The following SLC25A19 variants were observed in gnomAD, a reference collection of about 807,000 sequenced individuals.
SLC25A19 encodes mitochondrial thiamine pyrophosphate carrier.
A neutral mutation model predicts 27.9 loss-of-function variants in SLC25A19; 18 were observed. The observed-to-expected ratio is 0.64, with a 90% CI of 0.45 to 0.96. The LOEUF is 0.96. SLC25A19 is among the 40% of genes least tolerant of loss of function. SLC25A19 has a pLI of 0.00. For missense variants in SLC25A19, 371 were observed against 418.3 expected (o/e 0.89, Z 0.99); for synonymous variants, 169 against 167.1 (o/e 1.01, Z -0.09).
chr17:75,284,157 C>T (rs2078125080), intron 4 of SLC25A19, among the ~76,000 whole-genome samples: 1 of 152,074 alleles, frequency 6.6e-6, no homozygotes, highest in Non-Finnish European at 1.5e-5. Flanking sequence ...GTAATCCCAG[C>T]ACTTTGGAAG....
rs2078188388 is a variant in SLC25A19, at chr17:75,286,613, T to C, written c.132+20A>G. On this transcript the variant is annotated intron_variant, in intron 3 of 7. Coordinates refer to ENST00000416858, the MANE Select transcript of SLC25A19 (RefSeq NM_001126121.2). ...TGAACTTGTCCTCCAGTCCATTGCA[T>C]GGAAAAAGGGGAAGAGTACCTGGAA... is the stretch of plus-strand genomic sequence containing the variant. The C allele has an allele frequency of 2.5e-6, 4 of 1,613,996 alleles. No individual in the cohort carries two copies. The East Asian group carries it at 6.7e-5, about 27-fold the overall frequency.
In SLC25A19 at chr17:75,273,243, A is replaced by G; in HGVS notation, c.*208T>C. On this transcript the variant is annotated 3_prime_UTR_variant, in exon 8 of 8. Transcript: ENST00000416858. ...CTTCTCACTGTGTCGTTGGCTCACCATAGACCACGTCCTGCATTCCCTCTG... is the reference window on the plus strand; with the variant it reads ...CTTCTCACTGTGTCGTTGGCTCACCGTAGACCACGTCCTGCATTCCCTCTG... The G allele has an allele frequency of 3.3e-6, 2 of 600,232 alleles. No homozygotes were observed. Among genetic ancestry groups the G allele is most frequent in the South Asian group, 2.0e-5 (1 of 51,162 alleles). The allele number at this position is 600,232 out of a possible 1,614,324, so 37.2% of individuals were successfully genotyped here. A position where few individuals can be genotyped will look rare whatever the true frequency, so the allele number is the denominator to read the frequency against.
At chr17:75,278,391 C>T in intron 5 of SLC25A19, 56 bp from the exon 6 acceptor site, 3 of 1,598,352 alleles carry the variant, frequency 1.9e-6, no homozygotes, top group Non-Finnish European at 2.6e-6. Context: ...AGCCCTGGAA[C>T]AGCCCATCAT....
intron 7 of SLC25A19, among the ~76,000 whole-genome samples, chr17:75,275,663 T>C (rs1412772727): frequency 6.6e-6 from 1 of 152,122 alleles, no homozygotes; most frequent in Non-Finnish European, 1.5e-5. Flanking sequence ...GCACATAAAA[T>C]ACAACTTAGG....
intron 7 of SLC25A19, among the ~76,000 whole-genome samples, chr17:75,275,984 A>G (rs966357725): frequency 1.4e-5 from 2 of 147,266 alleles, no homozygotes; most frequent in African/African-American, 5.1e-5. Context: ...AAATATATAT[A>G]TATATATGGC....
rs1408439175 is a variant in SLC25A19, at chr17:75,273,573, A to C, written c.841T>G (p.Phe281Val). ...AAGCTGGGGGACAGGCCCTTGAAGA[A>C]GCCCAGGGCGCCTTCCTTTTGCAGC... ...QVLQKEGALG[F>V]FKGLSPSLLK... is the part of the protein sequence containing the mutation. The change falls in exon 8 of 8, where the codon TTC becomes GTC. Residue 281 changes from phenylalanine (F) to valine (V), a missense_variant. Coordinates refer to ENST00000416858, the MANE Select transcript of SLC25A19 (RefSeq NM_001126121.2). The C allele has an allele frequency of 6.8e-6, 11 of 1,613,884 alleles. No individual in the cohort carries two copies. The highest frequency in any genetic ancestry group is 1.3e-5 in the African/African-American group (1 of 74,912).
chr17:75,286,334 C>A lies in SLC25A19; in HGVS notation c.258G>T (p.Gln86His). ...CAGCTCCATAGCCTATGGAGAGAAT[C>A]TGAGCTGGGACGTGTCCTTTCCAGA... Reference protein sequence around the residue: ...TAFWKGHVPAQILSIGYGAVQ... With the variant: ...TAFWKGHVPAHILSIGYGAVQ... Residue 86 changes from glutamine (Q) to histidine (H), a missense_variant, in exon 4 of 8, where the codon CAG becomes CAT. Coordinates refer to ENST00000416858, the MANE Select transcript of SLC25A19 (RefSeq NM_001126121.2). The A allele has an allele frequency of 6.2e-7, 1 of 1,614,136 alleles. No individual in the cohort carries two copies. Among genetic ancestry groups the A allele is most frequent in the Non-Finnish European group, 8.5e-7 (1 of 1,180,040 alleles).
rs1317389053 is a variant in SLC25A19 at position 75,273,388 on chromosome 17, G to A, written c.*63C>T. The A allele has an allele frequency of 7.1e-6, 11 of 1,555,130 alleles. No homozygotes were observed. Among genetic ancestry groups the A allele is most frequent in the Non-Finnish European group, 8.7e-6 (10 of 1,146,252 alleles). ...AAGGGCCAGACGGCACCTCTCAGTG[G>A]AGACTGAATCTTCCTTCCTTCAGGA... On this transcript the variant is annotated 3_prime_UTR_variant, in exon 8 of 8. Coordinates refer to ENST00000416858, the MANE Select transcript of SLC25A19 (RefSeq NM_001126121.2).
At chr17:75,280,976 C>G (rs1049468001) in intron 5 of SLC25A19, among the ~76,000 whole-genome samples, 1 of 148,628 alleles carries the variant, frequency 6.7e-6, no homozygotes, top group Non-Finnish European at 1.5e-5. Flanking sequence ...ACCAGGAGTT[C>G]AAGACCAGCC....
chr17:75,277,211 A>G, intron 7 of SLC25A19, 142 bp downstream of exon 7: 1 of 1,059,704 alleles, frequency 9.4e-7, no homozygotes, highest in Non-Finnish European at 1.4e-6. Context: ...CCACATGCTT[A>G]GGGATCTCAA....
intron 4 of SLC25A19, among the ~76,000 whole-genome samples, chr17:75,284,083 C>A (rs1401035888): frequency 6.6e-6 from 1 of 151,454 alleles, no homozygotes; most frequent in African/African-American, 2.4e-5. Flanking sequence ...ACTGCGCTCT[C>A]CAGCCCGGGC....
rs1219011264 is a variant in SLC25A19, at chr17:75,273,560, A to G, written c.854T>C (p.Leu285Pro). 1.2e-6 allele frequency: 2 copies of G among 1,614,088 alleles called. No homozygotes were observed. Among genetic ancestry groups the G allele is most frequent in the Non-Finnish European group, 1.7e-6 (2 of 1,179,984 alleles). Residue 285 changes from leucine to proline, a missense_variant, in exon 8 of 8, where the codon CTG becomes CCG. Leu to Pro is a moderately conservative substitution (Grantham distance 98, BLOSUM62 -3). Coordinates refer to ENST00000416858, the MANE Select transcript of SLC25A19 (RefSeq NM_001126121.2). ...KEGALGFFKG[L>P]SPSLLKAALS... Reference sequence around the variant, plus strand: ...GGCAGCCTTCAGCAAGCTGGGGGACAGGCCCTTGAAGAAGCCCAGGGCGCC... The same window carrying G: ...GGCAGCCTTCAGCAAGCTGGGGGACGGGCCCTTGAAGAAGCCCAGGGCGCC...
intron 5 of SLC25A19, among the ~76,000 whole-genome samples, 158 bp downstream of exon 5, chr17:75,283,265 C>T (rs1464846228): frequency 6.6e-6 from 1 of 152,146 alleles, no homozygotes; most frequent in Non-Finnish European, 1.5e-5. Context: ...CGCACCACTG[C>T]ACTCCAGCCT....
chr17:75,286,945 T>C, intron 2 of SLC25A19, 143 bp from the exon 3 acceptor site: 2 of 793,650 alleles, frequency 2.5e-6, no homozygotes, highest in South Asian at 3.2e-5. Flanking sequence ...TTCATGCCTG[T>C]ATCCCAGCAC....
At chr17:75,273,922 G>T in intron 7 of SLC25A19, 1 of 378,826 alleles carries the variant, frequency 2.6e-6, no homozygotes, top group Non-Finnish European at 5.0e-6. Context: ...CACCACGCCT[G>T]GCTAATTTTT....
At chr17:75,279,639 G>C (rs906042770) in intron 5 of SLC25A19, among the ~76,000 whole-genome samples, 2 of 151,464 alleles carry the variant, frequency 1.3e-5, no homozygotes, top group African/African-American at 2.4e-5. Flanking sequence ...CCCCCGAGTA[G>C]CTGTGATTAT....
chr17:75,276,919 G>A (rs1263768012), intron 7 of SLC25A19, among the ~76,000 whole-genome samples: 5 of 148,156 alleles, frequency 3.4e-5, no homozygotes, highest in East Asian at 4.0e-4. Context: ...TCCTGACCTC[G>A]TGATCCACCC....
At chr17:75,288,325 C>G (rs1167053843) in intron 2 of SLC25A19, 177 bp downstream of exon 2, 3 of 152,168 alleles carry the variant, frequency 2.0e-5, no homozygotes, top group African/African-American at 7.2e-5. Context: ...TATCAATTGC[C>G]TTGCCTCTAC....
chr17:75,280,541 G>A (rs1229035542), intron 5 of SLC25A19, among the ~76,000 whole-genome samples: 6 of 152,106 alleles, frequency 3.9e-5, no homozygotes, highest in East Asian at 1.9e-4. Context: ...ATGGCCAGGC[G>A]CGGTGGCTCA....
Sources: gnomAD v4.1 joint callset for allele counts (sites outside exome capture counted in the v4.1 genomes callset) on GRCh38, gnomAD v4.1.1 for gene constraint, MANE v1.5 for transcripts, NCBI Gene and HGNC (gene_info 2026-07-23, HGNC 2026-07-21) for gene names.